Variants in GALNTL6 observed in about 807,000 individuals in gnomAD.
GALNTL6 encodes polypeptide N-acetylgalactosaminyltransferase-like 6.
Under a neutral mutation model 73.7 loss-of-function variants are expected in GALNTL6, and 46 were observed. The ratio of observed to expected loss-of-function variants is 0.62; its 90% CI spans 0.49 to 0.80. GALNTL6 has a LOEUF of 0.80. Among genes scored for constraint, GALNTL6 ranks in the 30% least tolerant of loss-of-function variants. The pLI is 0.00. For missense variants in GALNTL6, 604 were observed against 755.0 expected (o/e 0.80, Z 2.34); for synonymous variants, 259 against 263.7 (o/e 0.98, Z 0.17).
intron 5 of GALNTL6, among the ~76,000 whole-genome samples, chr4:172,394,188 T>C (rs961110094): frequency 6.6e-5 from 10 of 152,070 alleles, no homozygotes; most frequent in African/African-American, 2.4e-4. Context: ...TTAAACTAAT[T>C]ACTATATAAT....
chr4:172,323,384 C>T lies in GALNTL6; in HGVS notation c.386+11632C>T, dbSNP rs201780870. Among the ~76,000 whole-genome samples the T allele has an allele frequency of 8.1e-4, 123 of 152,224 alleles. 2 individuals carry two copies. In the South Asian group the frequency reaches 0.016, roughly 19 times the overall value. On this transcript the variant is annotated intron_variant, in intron 4 of 12. Coordinates refer to ENST00000506823, the MANE Select transcript of GALNTL6 (RefSeq NM_001034845.3). The stretch of plus-strand genomic sequence containing the variant: ...AAAACAGTGTGACTAAAACCAGCCA[C>T]TGAAAATTGAATACGCTGACATTAA...
chr4:172,563,433 A>G (rs554702636), intron 5 of GALNTL6, among the ~76,000 whole-genome samples: 1 of 152,348 alleles, frequency 6.6e-6, no homozygotes, highest in African/African-American at 2.4e-5. Context: ...TGAATTTTCA[A>G]ATCGAAATGA....
At chr4:171,892,210 A>G (rs1298303584) in intron 2 of GALNTL6, among the ~76,000 whole-genome samples, 1 of 152,184 alleles carries the variant, frequency 6.6e-6, no homozygotes, top group African/African-American at 2.4e-5. Context: ...CCAAAGTCCA[A>G]AAAGATCTGA....
intron 2 of GALNTL6, among the ~76,000 whole-genome samples, chr4:172,172,800 T>G (rs1221953128): frequency 6.6e-6 from 1 of 152,224 alleles, no homozygotes; most frequent in Admixed American, 6.5e-5. Context: ...TTTGACTGAC[T>G]ACCCTGTCTG....
intron 2 of GALNTL6, among the ~76,000 whole-genome samples, chr4:171,863,291 A>AATTGCCT (rs1231613891): frequency 6.6e-6 from 1 of 152,176 alleles, no homozygotes; most frequent in Admixed American, 6.5e-5. Flanking sequence ...GATCAATGTC[A>AATTGCCT]ATTGCCTTTT....
At chr4:172,821,909 G>GC (rs1004388478) in intron 7 of GALNTL6, among the ~76,000 whole-genome samples, 1 of 152,096 alleles carries the variant, frequency 6.6e-6, no homozygotes, top group African/African-American at 2.4e-5. Context: ...TCCTTTTGAA[G>GC]CCCCCTCCCC....
At chr4:172,619,782 G>A (rs890059790) in intron 5 of GALNTL6, among the ~76,000 whole-genome samples, 5 of 152,086 alleles carry the variant, frequency 3.3e-5, no homozygotes, top group African/African-American at 1.2e-4. Context: ...ACAATATCCC[G>A]GAGTGTGTAT....
intron 10 of GALNTL6, among the ~76,000 whole-genome samples, chr4:172,984,698 A>G (rs1308807308): frequency 6.6e-6 from 1 of 152,196 alleles, no homozygotes. Context: ...GATCAGTAGA[A>G]GCCCAAACCT....
At chr4:172,522,059 G>A (rs1042887573) in intron 5 of GALNTL6, among the ~76,000 whole-genome samples, 2 of 152,016 alleles carry the variant, frequency 1.3e-5, no homozygotes, top group African/African-American at 4.8e-5. Flanking sequence ...TAAGCAGTTG[G>A]ACTCAATATA....
intron 3 of GALNTL6, among the ~76,000 whole-genome samples, chr4:172,299,071 C>G (rs1739803458): frequency 1.3e-5 from 2 of 152,276 alleles, no homozygotes; most frequent in South Asian, 4.1e-4. Context: ...TTCAGAGATT[C>G]AACTTCTTCC....
chr4:172,382,995 G>T (rs556528432), intron 5 of GALNTL6, among the ~76,000 whole-genome samples: 93 of 152,056 alleles, frequency 6.1e-4, no homozygotes, highest in African/African-American at 2.2e-3. Flanking sequence ...CTATTTATTT[G>T]TCTGTTCTTA....
At chr4:172,462,826 C>T (rs1732666212) in intron 5 of GALNTL6, among the ~76,000 whole-genome samples, 1 of 152,172 alleles carries the variant, frequency 6.6e-6, no homozygotes, top group Non-Finnish European at 1.5e-5. Flanking sequence ...TACTTCCTTT[C>T]AGCCTTAGAC....
At chr4:172,810,991 AAGAGT>A (rs201093614) in intron 6 of GALNTL6, among the ~76,000 whole-genome samples, 6 of 150,880 alleles carry the variant, frequency 4.0e-5, no homozygotes, top group Admixed American at 1.3e-4. Flanking sequence ...TAGAAAAAAA[AAGAGT>A]AAGAGAAACC....
At chr4:172,217,513 C>T (rs1228516246) in intron 2 of GALNTL6, among the ~76,000 whole-genome samples, 1 of 152,092 alleles carries the variant, frequency 6.6e-6, no homozygotes, top group Non-Finnish European at 1.5e-5. Flanking sequence ...ATCTTCAAGC[C>T]CAGTGATTCT....
chr4:172,225,678 C>G (rs1736837114), intron 2 of GALNTL6, among the ~76,000 whole-genome samples: 1 of 152,030 alleles, frequency 6.6e-6, no homozygotes, highest in Admixed American at 6.6e-5. Flanking sequence ...ATTGCTTGAG[C>G]CCAGGAGGCA....
chr4:172,184,789 C>A (rs1735366333), intron 2 of GALNTL6, among the ~76,000 whole-genome samples: 1 of 152,038 alleles, frequency 6.6e-6, no homozygotes, highest in African/African-American at 2.4e-5. Context: ...GAGGGATTGG[C>A]ATTGTTGAAG....
intron 2 of GALNTL6, among the ~76,000 whole-genome samples, chr4:171,962,057 A>G (rs1180640795): frequency 1.3e-5 from 2 of 152,218 alleles, no homozygotes; most frequent in Admixed American, 6.6e-5. Flanking sequence ...GGACTTTGAC[A>G]TACCCATGCT....
chr4:172,512,750 A>G (rs1734469014), intron 5 of GALNTL6, among the ~76,000 whole-genome samples: 1 of 152,168 alleles, frequency 6.6e-6, no homozygotes, highest in South Asian at 2.1e-4. Context: ...TGTTTTGTTT[A>G]AGGAGGCTAA....
intron 11 of GALNTL6, among the ~76,000 whole-genome samples, chr4:173,017,736 G>A (rs562314203): frequency 6.6e-6 from 1 of 152,292 alleles, no homozygotes; most frequent in East Asian, 1.9e-4. Flanking sequence ...GGCTACAAAT[G>A]TAAGCATGAT....
Sources: gnomAD v4.1 joint callset for allele counts (sites outside exome capture counted in the v4.1 genomes callset) on GRCh38, gnomAD v4.1.1 for gene constraint, MANE v1.5 for transcripts, NCBI Gene and HGNC (gene_info 2026-07-23, HGNC 2026-07-21) for gene names.